The following SDK1 variants were observed in gnomAD, a reference collection of about 807,000 sequenced individuals.
The protein encoded by SDK1 is protein sidekick-1.
A neutral mutation model predicts 245.5 loss-of-function variants in SDK1; 157 were observed. The ratio of observed to expected loss-of-function variants is 0.64; its 90% confidence interval spans 0.56 to 0.73. The LOEUF (loss-of-function observed/expected upper bound fraction) is 0.73, where lower values mean the gene tolerates loss of function less well. Ranked by LOEUF, SDK1 falls within the 30% of genes least tolerant of loss-of-function variation. The pLI, the probability that SDK1 is intolerant of heterozygous loss-of-function variation, is 0.00. For missense variants in SDK1, 3,583 were observed against 3,002.3 expected, an observed-to-expected ratio of 1.19 and a Z score of -4.52; for synonymous variants, 1,647 against 1,278.5, an observed-to-expected ratio of 1.29 and a Z score of -6.15.
At chr7:3,685,572 T>A (rs566896427) in intron 4 of SDK1, among the ~76,000 whole-genome samples, 14 of 152,306 alleles carry the variant, frequency 9.2e-5, no homozygotes, top group African/African-American at 3.1e-4. Flanking sequence ...AAACTTCTGT[T>A]GAGGTTCATA....
Position 4,065,694 on chromosome 7 carries a change from G to GTTGTTTTTT in SDK1, c.2912-2142_2912-2141insGTTTTTTTT, listed in dbSNP as rs1779841876. ...AGTTTCACCCAGATGAGTGGTTGTT[G>GTTGTTTTTT]TTTTTTTTTTTTTTTTTTTTTTTTT... On this transcript the variant is annotated intron_variant, in intron 19 of 44. Coordinates refer to ENST00000404826, the MANE Select transcript of SDK1 (RefSeq NM_152744.4). Among the ~76,000 whole-genome samples, 46 of 66,650 alleles carry GTTGTTTTTT rather than the reference G, an allele frequency of 6.9e-4. 1 individual carries two copies. Among genetic ancestry groups the GTTGTTTTTT allele is most frequent in the African/African-American group, 1.5e-3 (43 of 29,150 alleles). 43.7% of individuals were successfully genotyped at this position (66,650 alleles called of 152,430 possible). A position where few individuals can be genotyped will look rare whatever the true frequency, so the allele number is the denominator to read the frequency against.
chr7:3,857,282 G>T (rs1226514639), intron 5 of SDK1, among the ~76,000 whole-genome samples: 2 of 152,098 alleles, frequency 1.3e-5, no homozygotes, highest in African/African-American at 4.8e-5. Context: ...AAAATGGAAG[G>T]GGAAGGAGGA....
chr7:3,465,200 G>A (rs1199617752), intron 1 of SDK1, among the ~76,000 whole-genome samples: 2 of 152,114 alleles, frequency 1.3e-5, no homozygotes, highest in African/African-American at 4.8e-5. Flanking sequence ...TGTGCTTTTT[G>A]ACTTGTAGCA....
intron 30 of SDK1, among the ~76,000 whole-genome samples, chr7:4,149,956 C>A (rs1459438849): frequency 6.6e-6 from 1 of 152,052 alleles, no homozygotes. Flanking sequence ...GATGGGAGGG[C>A]ATGCCTAGGA....
intron 1 of SDK1, among the ~76,000 whole-genome samples, chr7:3,452,442 A>G (rs1583878299): frequency 6.6e-6 from 1 of 152,350 alleles, no homozygotes; most frequent in African/African-American, 2.4e-5. Flanking sequence ...GCCTCTTACT[A>G]TAAACATCCC....
chr7:3,456,271 A>G (rs577957521), intron 1 of SDK1, among the ~76,000 whole-genome samples: 1 of 152,276 alleles, frequency 6.6e-6, no homozygotes, highest in African/African-American at 2.4e-5. Context: ...AAATTTGGGA[A>G]ATATTTAGCC....
At chr7:4,027,707 A>G (rs1034929996) in intron 17 of SDK1, among the ~76,000 whole-genome samples, 2 of 152,184 alleles carry the variant, frequency 1.3e-5, no homozygotes, top group African/African-American at 4.8e-5. Context: ...GGTGTTGCAA[A>G]TAAGCTTTAT....
At chr7:3,672,759 TTATATATATATATA>T (rs60760676) in intron 4 of SDK1, among the ~76,000 whole-genome samples, 1 of 50,744 alleles carries the variant, frequency 2.0e-5, no homozygotes, top group African/African-American at 8.7e-5. Flanking sequence ...ATATATAATT[TTATATATATATATA>T]TATATATATA....
intron 1 of SDK1, among the ~76,000 whole-genome samples, chr7:3,584,827 C>T (rs112460008): frequency 0.064 from 9,665 of 151,910 alleles, 501 homozygotes; most frequent in Non-Finnish European, 0.082. Flanking sequence ...GGGTTCACGC[C>T]GTTCTGCTGC....
intron 22 of SDK1, among the ~76,000 whole-genome samples, chr7:4,108,799 A>G (rs1162848734): frequency 1.3e-5 from 2 of 152,164 alleles, no homozygotes; most frequent in Admixed American, 6.5e-5. Context: ...TGCCACAAAG[A>G]GACCTCATAC....
Position 4,175,305 on chromosome 7 carries a change from C to G in SDK1, c.4937-470C>G, listed in dbSNP as rs1009794667. Among the ~76,000 whole-genome samples the G allele has an allele frequency of 2.6e-5, 4 of 152,302 alleles. No individual in the cohort carries two copies. In the East Asian group the frequency reaches 7.7e-4, roughly 29 times the overall value. On this transcript the variant is annotated intron_variant, in intron 33 of 44. Transcript: ENST00000404826. ...CAGTTGGCATCTCCCTGGGCTCTGT[C>G]GCAAAATCAAAACAGCACAGTAGAA...
At chr7:3,320,480 T>A (rs528998006) in intron 1 of SDK1, among the ~76,000 whole-genome samples, 1 of 152,174 alleles carries the variant, frequency 6.6e-6, no homozygotes, top group South Asian at 2.1e-4. Flanking sequence ...AGCCTTAATA[T>A]TGATTTCCTC....
At chr7:3,318,697 TGA>T (rs374194049) in intron 1 of SDK1, among the ~76,000 whole-genome samples, 2 of 152,210 alleles carry the variant, frequency 1.3e-5, no homozygotes, top group African/African-American at 4.8e-5. Flanking sequence ...TTTTACTTTT[TGA>T]GTTTTCTTGG....
chr7:4,075,853 A>C (rs1268441967), intron 20 of SDK1, among the ~76,000 whole-genome samples: 1 of 151,912 alleles, frequency 6.6e-6, no homozygotes, highest in African/African-American at 2.4e-5. Flanking sequence ...GGGGTTTCAC[A>C]TGTTGGCCAG....
chr7:3,376,126 G>A lies in SDK1; in HGVS notation c.298+74242G>A, dbSNP rs150055710. 3.2e-4 allele frequency among the ~76,000 whole-genome samples: 49 copies of A among 152,290 alleles called. 1 individual carries two copies. The highest frequency in any genetic ancestry group is 1.0e-3 in the African/African-American group (42 of 41,566). ...GTAGGAGGATTGCTTGGGCCCAGGAGTTTGAGGCTGCAGTGAGCCATGATC... is the reference window on the plus strand; with the variant it reads ...GTAGGAGGATTGCTTGGGCCCAGGAATTTGAGGCTGCAGTGAGCCATGATC... On this transcript the variant is annotated intron_variant, in intron 1 of 44. Transcript: ENST00000404826.
intron 22 of SDK1, among the ~76,000 whole-genome samples, chr7:4,098,347 A>G (rs1481575110): frequency 6.6e-6 from 1 of 152,238 alleles, no homozygotes; most frequent in African/African-American, 2.4e-5. Context: ...ATTAAATTTT[A>G]TGAGACTCAT....
intron 35 of SDK1, among the ~76,000 whole-genome samples, chr7:4,198,364 C>A (rs1356161310): frequency 1.3e-5 from 2 of 152,208 alleles, no homozygotes; most frequent in African/African-American, 2.4e-5. Context: ...GGCTGGGACA[C>A]CTGGGCCAGG....
intron 1 of SDK1, among the ~76,000 whole-genome samples, chr7:3,496,856 C>T (rs569572277): frequency 6.6e-6 from 1 of 152,244 alleles, no homozygotes; most frequent in African/African-American, 2.4e-5. Context: ...AAAATCCTTT[C>T]CCCCCACCAC....
At chr7:3,408,469 A>C (rs1779109838) in intron 1 of SDK1, among the ~76,000 whole-genome samples, 1 of 152,218 alleles carries the variant, frequency 6.6e-6, no homozygotes, top group African/African-American at 2.4e-5. Context: ...AAATTTAGAC[A>C]CTGGTTATTA....
Sources: gnomAD v4.1 joint callset for allele counts (sites outside exome capture counted in the v4.1 genomes callset) on GRCh38, gnomAD v4.1.1 for gene constraint, MANE v1.5 for transcripts, NCBI Gene and HGNC (gene_info 2026-07-23, HGNC 2026-07-21) for gene names.